Variants in DOCK5 observed in about 807,000 individuals in gnomAD.
DOCK5 encodes the protein dedicator of cytokinesis protein 5.
Under a neutral mutation model 251.8 loss-of-function variants are expected in DOCK5, and 142 were observed. The ratio of observed to expected loss-of-function variants is 0.56; its 90% CI spans 0.49 to 0.65. The LOEUF (loss-of-function observed/expected upper bound fraction) is 0.65, where lower values mean the gene tolerates loss of function less well. DOCK5 is among the 30% of genes least tolerant of loss of function. The probability of loss-of-function intolerance (pLI) is 0.00; values close to 1 mark genes in which losing one functional copy is unlikely to be tolerated. For missense variants in DOCK5, 2,111 were observed against 2,312.3 expected, an observed-to-expected ratio of 0.91 and a Z score of 1.79; for synonymous variants, 842 against 835.5, an observed-to-expected ratio of 1.01 and a Z score of -0.13.
intron 22 of DOCK5, among the ~76,000 whole-genome samples, chr8:25,336,685 A>G (rs528984444): frequency 6.6e-6 from 1 of 152,206 alleles, no homozygotes; most frequent in African/African-American, 2.4e-5. Context: ...ATCTAGGATC[A>G]TGATCTGCTG....
chr8:25,226,590 G>GTTTTT (rs574512849), intron 1 of DOCK5, among the ~76,000 whole-genome samples: 3 of 142,700 alleles, frequency 2.1e-5, no homozygotes, highest in African/African-American at 7.9e-5. Context: ...TTAATTTTAA[G>GTTTTT]TTTTTTTTTT....
intron 35 of DOCK5, 44 bp downstream of exon 35, chr8:25,372,762 C>T (rs117012822): frequency 2.3e-5 from 36 of 1,568,200 alleles, no homozygotes; most frequent in East Asian, 1.2e-4. Context: ...ACTGTCAGGC[C>T]GCCCCTGCAC....
chr8:25,218,995 G>C (rs977877950), intron 1 of DOCK5, among the ~76,000 whole-genome samples: 1 of 152,126 alleles, frequency 6.6e-6, no homozygotes, highest in African/African-American at 2.4e-5. Context: ...CCTTTTTAAA[G>C]AGGATTCTTT....
At chr8:25,298,624 AG>A (rs1392129565) in intron 7 of DOCK5, among the ~76,000 whole-genome samples, 8 of 152,200 alleles carry the variant, frequency 5.3e-5, no homozygotes, top group African/African-American at 1.9e-4. Context: ...TGATTGAGAC[AG>A]GGTCTCACTT....
At chr8:25,327,711 A>G (rs1482041795) in intron 18 of DOCK5, among the ~76,000 whole-genome samples, 2 of 152,170 alleles carry the variant, frequency 1.3e-5, no homozygotes, top group African/African-American at 4.8e-5. Context: ...GTAGCTTGTA[A>G]AATTTAAATT....
At chr8:25,247,349 C>T (rs1373726684) in intron 2 of DOCK5, among the ~76,000 whole-genome samples, 2 of 152,142 alleles carry the variant, frequency 1.3e-5, no homozygotes, top group Non-Finnish European at 2.9e-5. Context: ...GTAATCCCAG[C>T]ACTTTGGTAG....
intron 2 of DOCK5, among the ~76,000 whole-genome samples, chr8:25,258,901 T>C (rs774909486): frequency 6.6e-6 from 1 of 152,154 alleles, no homozygotes; most frequent in Non-Finnish European, 1.5e-5. Context: ...AGTGGATCAC[T>C]TGAGGTCAAG....
At chr8:25,235,366 T>A (rs1354447865) in intron 1 of DOCK5, among the ~76,000 whole-genome samples, 1 of 152,062 alleles carries the variant, frequency 6.6e-6, no homozygotes, top group East Asian at 1.9e-4. Flanking sequence ...GCTCAAGCGA[T>A]CCTCCCACCT....
intron 2 of DOCK5, among the ~76,000 whole-genome samples, chr8:25,260,800 T>TTTCTTTC (rs1803556764): frequency 6.8e-6 from 1 of 146,852 alleles, no homozygotes; most frequent in Admixed American, 6.8e-5. Context: ...TTCTTTCTTT[T>TTTCTTTC]TTTTTTTTTT....
intron 37 of DOCK5, 27 bp downstream of exon 37, chr8:25,374,681 A>G (rs1800933537): frequency 1.2e-6 from 2 of 1,613,770 alleles, no homozygotes; most frequent in Non-Finnish European, 1.7e-6. Context: ...GCTTGTTTCA[A>G]CAGGGTGGAG....
At chr8:25,300,768 A>G (rs1172186952) in intron 9 of DOCK5, 111 bp downstream of exon 9, 2 of 1,190,200 alleles carry the variant, frequency 1.7e-6, no homozygotes, top group African/African-American at 1.5e-5. Context: ...AAAATCATCA[A>G]TCTGCCTAGC....
chr8:25,229,068 CAAAA>C (rs534068390), intron 1 of DOCK5, among the ~76,000 whole-genome samples: 1 of 87,602 alleles, frequency 1.1e-5, no homozygotes. Flanking sequence ...TCATGTCTAC[CAAAA>C]AAAAAAAAAA....
chr8:25,346,879 A>G (rs947922702), intron 26 of DOCK5, among the ~76,000 whole-genome samples: 4 of 151,968 alleles, frequency 2.6e-5, no homozygotes, highest in Middle Eastern at 3.2e-3. Context: ...ACCATGTCCT[A>G]GAAATAGTGC....
At chr8:25,307,956 A>G (rs1320630652) in intron 11 of DOCK5, among the ~76,000 whole-genome samples, 1 of 152,230 alleles carries the variant, frequency 6.6e-6, no homozygotes, top group Non-Finnish European at 1.5e-5. Flanking sequence ...AATCATTTGT[A>G]AAAAACAGGA....
intron 5 of DOCK5, among the ~76,000 whole-genome samples, chr8:25,281,156 G>T (rs1804178473): frequency 6.6e-6 from 1 of 152,120 alleles, no homozygotes; most frequent in Admixed American, 6.6e-5. Flanking sequence ...GCCAGGTGCA[G>T]TGGCTCGTGC....
rs188912237 is a variant in DOCK5 at position 25,351,819 on chromosome 8, C to G, written c.2843C>G (p.Pro948Arg). Reference protein sequence around the residue: ...RTVIGMNRQSPHIGSFVACMI... With the variant: ...RTVIGMNRQSRHIGSFVACMI... ...GTGATTGGGATGAACCGGCAGTCTC[C>G]CCACATCGTGAGTATCTCTTTGTTG... Residue 948 changes from proline (P) to arginine (R), a missense_variant, in exon 27 of 52, where the codon CCC becomes CGC. Pro to Arg is a moderately radical substitution (Grantham distance 103). Around this residue, in one of 3 missense-constraint regions of DOCK5, gnomAD observed 1,717 missense variants for 1,892.4 expected, o/e 0.91. Coordinates refer to ENST00000276440, the MANE Select transcript of DOCK5 (RefSeq NM_024940.8). 10 of 1,613,494 alleles carry G rather than the reference C, an allele frequency of 6.2e-6. 1 individual carries two copies. The Admixed American group carries it at 1.5e-4, about 24-fold the overall frequency.
At chr8:25,345,856 CT>C (rs1233332120) in intron 26 of DOCK5, among the ~76,000 whole-genome samples, 61 of 146,978 alleles carry the variant, frequency 4.2e-4, no homozygotes, top group Middle Eastern at 3.6e-3. Context: ...ATCCCTGTGA[CT>C]TTTTTTTTTT....
chr8:25,381,694 C>T (rs773326022), intron 39 of DOCK5, among the ~76,000 whole-genome samples: 7 of 151,994 alleles, frequency 4.6e-5, no homozygotes, highest in African/African-American at 1.5e-4. Context: ...TGTTACATAC[C>T]GGTCTAAGAA....
At chr8:25,374,272 G>T (rs1284228422) in intron 36 of DOCK5, among the ~76,000 whole-genome samples, 2 of 152,098 alleles carry the variant, frequency 1.3e-5, no homozygotes, top group African/African-American at 4.8e-5. Context: ...GCTGGGGTCT[G>T]GTTATGGAAT....
Sources: gnomAD v4.1 joint callset for allele counts (sites outside exome capture counted in the v4.1 genomes callset) on GRCh38, gnomAD v4.1.1 for gene constraint, gnomAD v4.1.1 regional missense constraint, MANE v1.5 for transcripts, NCBI Gene and HGNC (gene_info 2026-07-23, HGNC 2026-07-21) for gene names.